DDX10: variants seen among roughly 807,000 people sequenced by gnomAD.
The protein encoded by DDX10 is DEAD-box helicase 10.
Under a neutral mutation model 104.3 loss-of-function variants are expected in DDX10, and 74 were observed. The observed-to-expected ratio is 0.71, with a 90% confidence interval of 0.59 to 0.86. DDX10 has a LOEUF of 0.86. DDX10 is among the 40% of genes least tolerant of loss of function. DDX10 has a pLI of 0.00. For missense variants in DDX10, 952 were observed against 1,040.0 expected, an observed-to-expected ratio of 0.92 and a Z score of 1.16; for synonymous variants, 351 against 353.4, an observed-to-expected ratio of 0.99 and a Z score of 0.08.
chr11:108,931,136 C>A (rs747582354), intron 17 of DDX10, among the ~76,000 whole-genome samples: 3 of 152,076 alleles, frequency 2.0e-5, no homozygotes, highest in Admixed American at 2.0e-4. Context: ...TGAGCAAGAC[C>A]GTATCTCAGG....
chr11:108,819,448 A>AT (rs1180742893), intron 13 of DDX10, among the ~76,000 whole-genome samples: 3 of 152,122 alleles, frequency 2.0e-5, no homozygotes, highest in African/African-American at 7.2e-5. Context: ...GAAATGACAC[A>AT]TTTTTTCGAA....
At chr11:108,915,698 A>G (rs566208957) in intron 16 of DDX10, among the ~76,000 whole-genome samples, 57 of 152,282 alleles carry the variant, frequency 3.7e-4, no homozygotes, top group Non-Finnish European at 7.2e-4. Flanking sequence ...ATATGGTTTC[A>G]GTTTTCATAT....
At position 108,940,365 on chromosome 11, in the gene DDX10, G is replaced by A; in HGVS notation, c.2570G>A (p.Gly857Asp). The change falls in exon 18 of 18, where the codon GGC becomes GAC. Residue 857 changes from glycine (G) to aspartate (D), a missense_variant. Gly to Asp is a moderately conservative substitution (Grantham distance 94, BLOSUM62 -1). This residue lies in a region of DDX10 where 533 missense variants were observed against 534.1 expected (regional missense o/e 1.00). Coordinates refer to ENST00000322536, the MANE Select transcript of DDX10 (RefSeq NM_004398.4). ...GACACTTTAGAGCCTTTGGATACCG[G>A]CCTGTCTTTAGCAGAGGATGAAGAG... Reference protein sequence around the residue: ...RWDTLEPLDTGLSLAEDEELV... With the variant: ...RWDTLEPLDTDLSLAEDEELV... 1 of 1,613,980 alleles carries A rather than the reference G, an allele frequency of 6.2e-7. No homozygotes were observed. The highest frequency in any genetic ancestry group is 1.1e-5 in the South Asian group (1 of 91,078).
chr11:108,693,114 C>T (rs1475690260), intron 8 of DDX10, among the ~76,000 whole-genome samples: 2 of 152,158 alleles, frequency 1.3e-5, no homozygotes, highest in Admixed American at 6.5e-5. Context: ...TCAACTCCCA[C>T]TTATGAGTGA....
chr11:108,688,873 G>C, intron 6 of DDX10, 63 bp from the exon 7 acceptor site: 1 of 1,539,088 alleles, frequency 6.5e-7, no homozygotes, highest in Non-Finnish European at 8.8e-7. Context: ...TTCCTTTTTT[G>C]GTCTGGATTT....
At chr11:108,901,221 G>T (rs1171576488) in intron 16 of DDX10, among the ~76,000 whole-genome samples, 1 of 152,094 alleles carries the variant, frequency 6.6e-6, no homozygotes, top group African/African-American at 2.4e-5. Flanking sequence ...AACATATTTG[G>T]TTTTTCTTTG....
chr11:108,893,673 A>G (rs1418734582), intron 16 of DDX10, among the ~76,000 whole-genome samples: 2 of 152,064 alleles, frequency 1.3e-5, no homozygotes, highest in Non-Finnish European at 2.9e-5. Flanking sequence ...GTAGTCTCAA[A>G]TATTTATCTT....
chr11:108,880,660 G>A (rs1863216110), intron 16 of DDX10, among the ~76,000 whole-genome samples: 1 of 152,180 alleles, frequency 6.6e-6, no homozygotes, highest in Non-Finnish European at 1.5e-5. Flanking sequence ...TTCGGCAAAA[G>A]GAAGTAACAT....
At chr11:108,809,769 G>A (rs1379749056) in intron 13 of DDX10, among the ~76,000 whole-genome samples, 4 of 152,138 alleles carry the variant, frequency 2.6e-5, no homozygotes, top group Non-Finnish European at 5.9e-5. Context: ...GCAGTGTCTG[G>A]TATGGTGCTT....
At chr11:108,683,755 C>T (rs1405425140) in intron 6 of DDX10, among the ~76,000 whole-genome samples, 1 of 152,188 alleles carries the variant, frequency 6.6e-6, no homozygotes, top group Non-Finnish European at 1.5e-5. Flanking sequence ...AGAGCTTTCA[C>T]ATGAACTATG....
At chr11:108,888,370 G>A (rs751610173) in intron 16 of DDX10, among the ~76,000 whole-genome samples, 1 of 152,040 alleles carries the variant, frequency 6.6e-6, no homozygotes, top group Non-Finnish European at 1.5e-5. Context: ...CCTTCCATTA[G>A]CATTGTAGTT....
chr11:108,926,732 G>A (rs1381426156), intron 17 of DDX10, among the ~76,000 whole-genome samples: 1 of 152,192 alleles, frequency 6.6e-6, no homozygotes, highest in Non-Finnish European at 1.5e-5. Flanking sequence ...CATTAGGACT[G>A]TTGCATGGCC....
chr11:108,893,831 C>T (rs963109106), intron 16 of DDX10, among the ~76,000 whole-genome samples: 1 of 151,888 alleles, frequency 6.6e-6, no homozygotes, highest in African/African-American at 2.4e-5. Flanking sequence ...TTTCTTTTCT[C>T]CAGAGAAAGT....
chr11:108,923,467 CTTAAGAG>C (rs1190151247), intron 17 of DDX10, among the ~76,000 whole-genome samples: 3 of 152,202 alleles, frequency 2.0e-5, no homozygotes, highest in South Asian at 2.1e-4. Flanking sequence ...TCATATTTTA[CTTAAGAG>C]TTAAGAATAC....
chr11:108,713,454 A>G (rs563106220), intron 10 of DDX10, among the ~76,000 whole-genome samples: 1 of 152,208 alleles, frequency 6.6e-6, no homozygotes, highest in South Asian at 2.1e-4. Context: ...GAACCCATCA[A>G]AGGTATTAGT....
In DDX10 at chr11:108,873,110, G is replaced by A. The variant is rs138005186; in HGVS notation, c.2304+20901G>A. ...TTGTGTATGACTGTCACATGAATCAGTGCAAGATCAGCAAATTTTGCATTG... is the reference window on the plus strand; with the variant it reads ...TTGTGTATGACTGTCACATGAATCAATGCAAGATCAGCAAATTTTGCATTG... On this transcript the variant is annotated intron_variant, in intron 16 of 17. Transcript: ENST00000322536. Among the ~76,000 whole-genome samples the A allele has an allele frequency of 6.4e-4, 98 of 152,286 alleles. 1 individual carries two copies. The highest frequency in any genetic ancestry group is 1.3e-3 in the Non-Finnish European group (87 of 68,018).
intron 17 of DDX10, among the ~76,000 whole-genome samples, chr11:108,922,975 G>A (rs1270289105): frequency 6.6e-6 from 1 of 152,188 alleles, no homozygotes; most frequent in Non-Finnish European, 1.5e-5. Context: ...TTTGATGACA[G>A]GTGTAGAAGG....
At chr11:108,917,114 G>A (rs1312346989) in intron 16 of DDX10, among the ~76,000 whole-genome samples, 1 of 151,202 alleles carries the variant, frequency 6.6e-6, no homozygotes, top group Non-Finnish European at 1.5e-5. Flanking sequence ...CACCCAAGCT[G>A]GCATGCAGTG....
At chr11:108,912,330 T>C (rs1478459874) in intron 16 of DDX10, among the ~76,000 whole-genome samples, 1 of 152,190 alleles carries the variant, frequency 6.6e-6, no homozygotes, top group African/African-American at 2.4e-5. Flanking sequence ...GTACAAACAT[T>C]GTGCATTATA....
Sources: allele counts gnomAD v4.1 joint callset (sites outside exome capture counted in the v4.1 genomes callset), GRCh38; gene constraint gnomAD v4.1.1; regional missense constraint gnomAD v4.1.1; transcripts MANE v1.5; gene names NCBI Gene and HGNC (gene_info 2026-07-23, HGNC 2026-07-21).